The following DOCK1 variants were observed in gnomAD, a reference collection of about 807,000 sequenced individuals.
DOCK1 encodes the protein dedicator of cytokinesis 1.
DOCK1 carries 138 observed loss-of-function variants against 262.7 expected under a neutral mutation model. The ratio of observed to expected loss-of-function variants is 0.53; its 90% CI spans 0.46 to 0.61. DOCK1 has a LOEUF of 0.61. Ranked by LOEUF, DOCK1 falls within the 20% of genes least tolerant of loss-of-function variation. The pLI, the probability that DOCK1 is intolerant of heterozygous loss-of-function variation, is 0.00. For synonymous variants in DOCK1, 866 were observed against 867.4 expected (o/e 1.00, Z 0.03); for missense variants, 1,908 against 2,370.7 (o/e 0.80, Z 4.05).
intron 31 of DOCK1, among the ~76,000 whole-genome samples, chr10:127,351,911 T>G (rs1300428623): frequency 3.9e-5 from 6 of 151,970 alleles, no homozygotes; most frequent in African/African-American, 2.4e-5. Context: ...CTCCCCACTC[T>G]TCCTCACTGC....
intron 27 of DOCK1, among the ~76,000 whole-genome samples, chr10:127,190,651 T>C (rs1159906446): frequency 2.0e-5 from 2 of 101,162 alleles, no homozygotes; most frequent in African/African-American, 3.7e-5. Context: ...AAATATTTAA[T>C]AGAAATCCTA....
At chr10:127,192,153 C>CT (rs2056803939) in intron 27 of DOCK1, among the ~76,000 whole-genome samples, 1 of 151,994 alleles carries the variant, frequency 6.6e-6, no homozygotes, top group Non-Finnish European at 1.5e-5. Context: ...CTCTTCTTTT[C>CT]TTTTTTTGCT....
chr10:127,436,539 G>A (rs552217507), intron 48 of DOCK1, among the ~76,000 whole-genome samples: 69 of 152,118 alleles, frequency 4.5e-4, no homozygotes, highest in Admixed American at 5.9e-4. Context: ...AAACATTTCA[G>A]ATATGTACAA....
intron 43 of DOCK1, among the ~76,000 whole-genome samples, chr10:127,414,857 G>A (rs1303285949): frequency 6.6e-6 from 1 of 152,224 alleles, no homozygotes; most frequent in Non-Finnish European, 1.5e-5. Flanking sequence ...TCATTTTGGA[G>A]TATACACATC....
chr10:127,349,348 C>T (rs1468724733), intron 31 of DOCK1, among the ~76,000 whole-genome samples: 1 of 152,080 alleles, frequency 6.6e-6, no homozygotes, highest in African/African-American at 2.4e-5. Context: ...TCTTCTTTCC[C>T]TCCATCTCAG....
intron 19 of DOCK1, among the ~76,000 whole-genome samples, chr10:127,041,474 G>A (rs576581177): frequency 1.3e-5 from 2 of 152,226 alleles, no homozygotes; most frequent in African/African-American, 4.8e-5. Flanking sequence ...TTCATTAGTT[G>A]ACACACATTT....
At chr10:127,270,338 C>T (rs2060517064) in intron 29 of DOCK1, among the ~76,000 whole-genome samples, 1 of 152,216 alleles carries the variant, frequency 6.6e-6, no homozygotes, top group African/African-American at 2.4e-5. Context: ...GTGCAGAGCC[C>T]TCCGATGTTT....
intron 23 of DOCK1, among the ~76,000 whole-genome samples, chr10:127,066,043 C>T (rs1329116584): frequency 6.6e-6 from 1 of 152,064 alleles, no homozygotes; most frequent in African/African-American, 2.4e-5. Flanking sequence ...TGCCCCTTCA[C>T]CCGGCCCAGA....
intron 1 of DOCK1, among the ~76,000 whole-genome samples, chr10:126,911,842 T>G (rs954516141): frequency 6.6e-6 from 1 of 152,200 alleles, no homozygotes; most frequent in Non-Finnish European, 1.5e-5. Context: ...TCAGCCACTG[T>G]TCCTCAATTT....
intron 23 of DOCK1, among the ~76,000 whole-genome samples, chr10:127,090,770 A>G (rs930956541): frequency 7.2e-5 from 11 of 152,050 alleles, no homozygotes; most frequent in African/African-American, 2.4e-4. Flanking sequence ...TTTTTGGTAT[A>G]TGGCTTCTTT....
chr10:127,159,969 G>C (rs1457723032), intron 27 of DOCK1, among the ~76,000 whole-genome samples: 1 of 152,152 alleles, frequency 6.6e-6, no homozygotes, highest in Non-Finnish European at 1.5e-5. Flanking sequence ...TGTTAGGAAG[G>C]GTGTTGAGAA....
intron 22 of DOCK1, among the ~76,000 whole-genome samples, chr10:127,056,293 C>A (rs536922360): frequency 6.6e-6 from 1 of 152,182 alleles, no homozygotes; most frequent in Non-Finnish European, 1.5e-5. Context: ...CAGCCTCAAA[C>A]CCCTGGGCTC....
intron 23 of DOCK1, among the ~76,000 whole-genome samples, chr10:127,101,812 A>T (rs1310947564): frequency 3.9e-5 from 6 of 152,232 alleles, no homozygotes; most frequent in African/African-American, 1.4e-4. Context: ...TGGGCACAGT[A>T]TAAAATGCAT....
At chr10:126,920,199 T>C (rs2033040095) in intron 1 of DOCK1, among the ~76,000 whole-genome samples, 1 of 152,248 alleles carries the variant, frequency 6.6e-6, no homozygotes. Context: ...GTTCTTCAGA[T>C]GATTTGGGGA....
intron 27 of DOCK1, among the ~76,000 whole-genome samples, chr10:127,233,056 C>T (rs116046014): frequency 8.5e-5 from 13 of 152,194 alleles, no homozygotes; most frequent in African/African-American, 3.1e-4. Flanking sequence ...TTGGCATGGT[C>T]CCTTTTTAAT....
chr10:127,111,081 T>G (rs748305738), intron 25 of DOCK1, among the ~76,000 whole-genome samples: 1 of 152,218 alleles, frequency 6.6e-6, no homozygotes, highest in East Asian at 1.9e-4. Flanking sequence ...ATTCATTTTC[T>G]GTTGTCCTCA....
intron 26 of DOCK1, among the ~76,000 whole-genome samples, 159 bp downstream of exon 26, chr10:127,125,760 A>C (rs1038104063): frequency 6.6e-6 from 1 of 152,066 alleles, no homozygotes; most frequent in Non-Finnish European, 1.5e-5. Flanking sequence ...ATTTTTATTT[A>C]TGTATATATG....
Position 127,345,963 on chromosome 10 carries a change from A to G in DOCK1, c.3224+2217A>G, listed in dbSNP as rs572491700. On this transcript the variant is annotated intron_variant, in intron 31 of 51. Transcript: ENST00000623213. ...GCACAGTGCGGCACAACGCACTTCA[A>G]CGCACTGTAATCCACCAGGTGCGGA... is the stretch of plus-strand genomic sequence containing the variant. Among the ~76,000 whole-genome samples the G allele has an allele frequency of 2.6e-5, 4 of 152,288 alleles. No homozygotes were observed. In the South Asian group the frequency reaches 6.2e-4, roughly 24 times the overall value.
At chr10:127,065,953 C>T (rs1388392589) in intron 23 of DOCK1, among the ~76,000 whole-genome samples, 1 of 152,114 alleles carries the variant, frequency 6.6e-6, no homozygotes, top group Non-Finnish European at 1.5e-5. Context: ...CTGTGCAGTG[C>T]TGACCGTCCC....
Sources: gnomAD v4.1 joint callset for allele counts (sites outside exome capture counted in the v4.1 genomes callset) on GRCh38, gnomAD v4.1.1 for gene constraint, MANE v1.5 for transcripts, NCBI Gene and HGNC (gene_info 2026-07-23, HGNC 2026-07-21) for gene names.